KCNH1: variants seen among roughly 807,000 people sequenced by gnomAD.
KCNH1 encodes voltage-gated delayed rectifier potassium channel KCNH1.
KCNH1 carries 27 observed loss-of-function variants against 69.2 expected under a neutral mutation model. The ratio of observed to expected loss-of-function variants is 0.39; its 90% CI spans 0.29 to 0.54. KCNH1 has a LOEUF of 0.54. KCNH1 is among the 20% of genes least tolerant of loss of function. KCNH1 has a pLI of 0.68. For synonymous variants in KCNH1, 456 were observed against 487.7 expected (o/e 0.93, Z 0.86); for missense variants, 798 against 1,261.6 (o/e 0.63, Z 5.57).
intron 7 of KCNH1, among the ~76,000 whole-genome samples, chr1:210,897,141 AG>A (rs1686886605): frequency 1.3e-5 from 2 of 152,190 alleles, no homozygotes; most frequent in East Asian, 3.9e-4. Context: ...GATAACTCAA[AG>A]GGCAACATAA....
chr1:211,028,555 C>T lies in KCNH1; in HGVS notation c.559-9299G>A, dbSNP rs1232980551. 2.6e-5 allele frequency among the ~76,000 whole-genome samples: 4 copies of T among 151,284 alleles called. No individual in the cohort carries two copies. In the East Asian group the frequency reaches 5.8e-4, roughly 22 times the overall value. The stretch of plus-strand genomic sequence containing the variant: ...TAACATCAACAAACCTGTAGCAAGA[C>T]TGAAAATAAAAAGAGAAGACAGAAA... On this transcript the variant is annotated intron_variant, in intron 5 of 10. Coordinates refer to ENST00000271751, the MANE Select transcript of KCNH1 (RefSeq NM_172362.3).
rs560426367 is a variant in KCNH1, at chr1:210,710,413, G to A, written c.2113-26275C>T. Among the ~76,000 whole-genome samples, 9 of 151,810 alleles carry A rather than the reference G, an allele frequency of 5.9e-5. No homozygotes were observed. In the South Asian group the frequency reaches 6.3e-4, roughly 11 times the overall value. On this transcript the variant is annotated intron_variant, in intron 10 of 10. Coordinates refer to ENST00000271751, the MANE Select transcript of KCNH1 (RefSeq NM_172362.3). ...GAAATGGGTGGGTGGATTGATAGAC[G>A]GAAAGAGAGACAGAAAGAGAGAGAT...
chr1:210,694,123 GTCTTTGCCCCT>G (rs1355678091), intron 10 of KCNH1, among the ~76,000 whole-genome samples: 1 of 152,144 alleles, frequency 6.6e-6, no homozygotes, highest in Non-Finnish European at 1.5e-5. Context: ...CAGGACTCCT[GTCTTTGCCCCT>G]TCACTCTGAC....
chr1:210,888,400 G>A (rs960108414), intron 7 of KCNH1, among the ~76,000 whole-genome samples: 1 of 152,062 alleles, frequency 6.6e-6, no homozygotes, highest in African/African-American at 2.4e-5. Context: ...CTGAGACACA[G>A]CTAAAGCAGT....
rs563376687 is a variant in KCNH1, at chr1:211,005,545, T to A, written c.1032+13238A>T. Among the ~76,000 whole-genome samples the A allele has an allele frequency of 1.6e-4, 25 of 152,270 alleles. No individual in the cohort carries two copies. In the South Asian group the frequency reaches 4.8e-3, roughly 29 times the overall value. On this transcript the variant is annotated intron_variant, in intron 6 of 10. Transcript: ENST00000271751. Reference sequence around the variant, plus strand: ...TTCAAATAAATGATACTAGGTCAACTGGATACCCATCTGAGGAAAAAATAA... The same window carrying A: ...TTCAAATAAATGATACTAGGTCAACAGGATACCCATCTGAGGAAAAAATAA...
chr1:210,970,751 A>G (rs1688497532), intron 6 of KCNH1, among the ~76,000 whole-genome samples: 1 of 152,270 alleles, frequency 6.6e-6, no homozygotes, highest in East Asian at 1.9e-4. Context: ...TGATGAAATC[A>G]CCAAAAGCAA....
At chr1:211,033,636 C>T (rs1159760932) in intron 5 of KCNH1, among the ~76,000 whole-genome samples, 1 of 152,040 alleles carries the variant, frequency 6.6e-6, no homozygotes, top group Non-Finnish European at 1.5e-5. Flanking sequence ...AAACTGGAAA[C>T]CATCATTCTC....
chr1:211,002,009 T>C (rs1348245792), intron 6 of KCNH1, among the ~76,000 whole-genome samples: 3 of 148,880 alleles, frequency 2.0e-5, no homozygotes, highest in Non-Finnish European at 4.5e-5. Context: ...CTGGGGCCTG[T>C]TGTGGGGTGG....
chr1:211,036,160 A>G (rs1042564255), intron 5 of KCNH1, among the ~76,000 whole-genome samples: 1 of 152,218 alleles, frequency 6.6e-6, no homozygotes, highest in Non-Finnish European at 1.5e-5. Context: ...GAAGGAATGT[A>G]GCTACATGTG....
chr1:211,051,298 G>C (rs1190364067), intron 5 of KCNH1, among the ~76,000 whole-genome samples: 1 of 152,122 alleles, frequency 6.6e-6, no homozygotes, highest in Admixed American at 6.6e-5. Flanking sequence ...ATGCCTGGCT[G>C]AGAGACACTA....
At chr1:211,094,312 C>T (rs550829201) in intron 3 of KCNH1, among the ~76,000 whole-genome samples, 4 of 152,150 alleles carry the variant, frequency 2.6e-5, no homozygotes, top group African/African-American at 9.7e-5. Context: ...TAGTAATGCT[C>T]GCTCAGCTGT....
chr1:210,683,956 A>G lies in KCNH1; in HGVS notation c.2295T>C (p.Asp765=), dbSNP rs780499299. The G allele has an allele frequency of 1.6e-5, 25 of 1,604,624 alleles. No individual in the cohort carries two copies. The highest frequency in any genetic ancestry group is 2.2e-5 in the East Asian group (1 of 44,594). The change falls in exon 11 of 11, where the codon GAT becomes GAC. Residue 765 remains aspartate (D), a synonymous_variant. Transcript: ENST00000271751. This position sits in a 1 kb window ranked among gnomAD's most constrained non-coding sequence, Gnocchi z 5.7. The part of the protein sequence containing the change: ...ERGGRDLDDL[D]VEKGNVLTEH... The stretch of plus-strand genomic sequence containing the variant: ...CTGTAAGGACATTGCCCTTCTCCAC[A>G]TCTAGGTCATCCAGGTCCCGGCCCC...
chr1:210,740,731 T>TTTTTTTTTTTTTTTTTG (rs1558449289), intron 10 of KCNH1, among the ~76,000 whole-genome samples: 3 of 119,500 alleles, frequency 2.5e-5, no homozygotes, highest in African/African-American at 1.1e-4. Context: ...TTTTTTTTTT[T>TTTTTTTTTTTTTTTTTG]TACTAAAAGA....
intron 6 of KCNH1, among the ~76,000 whole-genome samples, chr1:210,947,836 A>G (rs1201647255): frequency 1.3e-5 from 2 of 152,198 alleles, no homozygotes; most frequent in Admixed American, 6.5e-5. Context: ...TGTGATCTTG[A>G]GCATATCACT....
intron 4 of KCNH1, among the ~76,000 whole-genome samples, chr1:211,089,462 C>T (rs570944452): frequency 1.9e-4 from 29 of 152,250 alleles, no homozygotes; most frequent in Middle Eastern, 3.4e-3. Context: ...AAATAGGATG[C>T]GCTGGTATTA....
chr1:210,978,975 C>T (rs1483715176), intron 6 of KCNH1, among the ~76,000 whole-genome samples: 1 of 152,208 alleles, frequency 6.6e-6, no homozygotes, highest in Non-Finnish European at 1.5e-5. Context: ...AGTTTGAGCT[C>T]TCTACAGTCT....
intron 5 of KCNH1, among the ~76,000 whole-genome samples, chr1:211,062,985 C>T (rs1478132192): frequency 6.6e-6 from 1 of 152,170 alleles, no homozygotes. Context: ...TAAATCAGTA[C>T]ATCAAAGAGA....
chr1:210,777,585 T>C (rs1683886647), intron 9 of KCNH1, among the ~76,000 whole-genome samples: 1 of 152,202 alleles, frequency 6.6e-6, no homozygotes. Context: ...TACTCCCTAG[T>C]ACTCAGTTCT....
chr1:211,077,118 C>T (rs564410740), intron 5 of KCNH1, among the ~76,000 whole-genome samples: 52 of 152,080 alleles, frequency 3.4e-4, no homozygotes, highest in Admixed American at 3.1e-3. Flanking sequence ...TGTGAAAAGA[C>T]CAAATCTACA....
Sources: gnomAD v4.1 joint callset for allele counts (sites outside exome capture counted in the v4.1 genomes callset) on GRCh38, gnomAD v4.1.1 for gene constraint, Gnocchi (gnomAD v3.1) non-coding constraint, MANE v1.5 for transcripts, NCBI Gene and HGNC (gene_info 2026-07-23, HGNC 2026-07-21) for gene names.